Variants in MUC5AC observed in about 807,000 individuals in gnomAD.
MUC5AC encodes mucin-5AC.
MUC5AC carries 158 observed loss-of-function variants against 169.7 expected under a neutral mutation model. The ratio of observed to expected loss-of-function variants is 0.93; its 90% CI spans 0.82 to 1.06. The LOEUF (loss-of-function observed/expected upper bound fraction) is 1.06, where lower values mean the gene tolerates loss of function less well. Among genes scored for constraint, MUC5AC ranks in the 50% least tolerant of loss-of-function variants. MUC5AC has a pLI of 0.00. For missense variants in MUC5AC, 4,359 were observed against 3,089.9 expected, an observed-to-expected ratio of 1.41 and a Z score of -9.74; for synonymous variants, 1,975 against 1,237.0, an observed-to-expected ratio of 1.60 and a Z score of -12.52.
At position 1,185,666 on chromosome 11, in the gene MUC5AC, C is replaced by G. The variant is rs1372853074; in HGVS notation, c.7521C>G (p.Ser2507Arg). 8 of 740,068 alleles carry G rather than the reference C, an allele frequency of 1.1e-5. No individual in the cohort carries two copies. The highest frequency in any genetic ancestry group is 2.0e-5 in the Non-Finnish European group (8 of 405,514). 45.8% of individuals were successfully genotyped at this position (740,068 alleles called of 1,614,324 possible). Residue 2507 changes from serine (S) to arginine (R), a missense_variant, in exon 31 of 49, where the codon AGC (serine) becomes AGG (arginine). By Grantham distance (110) the Ser-to-Arg change is moderately radical (BLOSUM62 -1). Transcript: ENST00000621226. ...TTSTTSSPTT[S>R]TTSAPTTSTT... is the part of the protein sequence containing the mutation. The stretch of plus-strand genomic sequence containing the variant: ...GCACAACCTCTTCTCCTACAACCAG[C>G]ACAACCTCTGCTCCTACAACCAGCA...
intron 26 of MUC5AC, 66 bp downstream of exon 26, chr11:1,179,314 C>G (rs932434325): frequency 2.7e-5 from 12 of 451,380 alleles, no homozygotes; most frequent in African/African-American, 2.0e-4. Flanking sequence ...ACCACACTCG[C>G]CGCTGATGCG....
Position 1,189,265 on chromosome 11 carries a change from C to T in MUC5AC, c.11120C>T (p.Ala3707Val), listed in dbSNP as rs1861024175. 6 of 589,468 alleles carry T rather than the reference C, an allele frequency of 1.0e-5. No individual in the cohort carries two copies. The highest frequency in any genetic ancestry group is 1.8e-5 in the Non-Finnish European group (6 of 331,156). The allele number at this position is 589,468 out of a possible 1,614,324, so 36.5% of individuals were successfully genotyped here. Residue 3707 changes from alanine (A) to valine (V), a missense_variant, in exon 31 of 49, where the codon GCC (alanine) becomes GTC (valine). Transcript: ENST00000621226. Reference sequence around the variant, plus strand: ...GCTCCCACAACGAGCACAACTTCTGCCCCTACAACCAGCACAACCTCCACT... The same window carrying T: ...GCTCCCACAACGAGCACAACTTCTGTCCCTACAACCAGCACAACCTCCACT... ...TSAPTTSTTS[A>V]PTTSTTSTPQ...
chr11:1,183,897 G>C lies in MUC5AC; in HGVS notation c.5752G>C (p.Val1918Leu). The C allele has an allele frequency of 2.5e-6, 1 of 402,734 alleles. No individual in the cohort carries two copies. The allele number at this position is 402,734 out of a possible 1,614,324, so 24.9% of individuals were successfully genotyped here. The stretch of plus-strand genomic sequence containing the variant: ...TTTCTCAACTCCCAGCCCTCCGCCA[G>C]TGCCGGCAACATCAACATCATCCAT... ...KTFSTPSPPP[V>L]PATSTSSMST... Residue 1918 changes from valine (V) to leucine (L), a missense_variant, in exon 31 of 49, where the codon GTG becomes CTG. By Grantham distance (32) the Val-to-Leu change is conservative (BLOSUM62 1). Transcript: ENST00000621226.
At chr11:1,159,608 C>T (rs192336607) in intron 1 of MUC5AC, among the ~76,000 whole-genome samples, 4 of 99,372 alleles carry the variant, frequency 4.0e-5, no homozygotes, top group Admixed American at 1.2e-4. Context: ...CGGGGCTGTG[C>T]GGGGCTGGGG....
chr11:1,184,859 C>T lies in MUC5AC; in HGVS notation c.6714C>T (p.Thr2238=), dbSNP rs1209557076. The T allele has an allele frequency of 1.4e-5, 9 of 631,808 alleles. No homozygotes were observed. In the African/African-American group the frequency reaches 1.5e-4, roughly 10 times the overall value. 39.1% of individuals were successfully genotyped at this position (631,808 alleles called of 1,614,324 possible). ...CTAGCACCCCTAGTGGGAGAGCCAC[C>T]AGCCCAACTCAGAGCACCTCCTCTT... is the stretch of plus-strand genomic sequence containing the variant. The part of the protein sequence containing the change: ...TAPSTPSGRA[T]SPTQSTSSWQ... Residue 2238 remains threonine (T), a synonymous_variant, in exon 31 of 49, where the codon ACC becomes ACT. Transcript: ENST00000621226.
chr11:1,165,765 G>A lies in MUC5AC; in HGVS notation c.1386+5G>A, dbSNP rs55712244. 18 of 1,611,474 alleles carry A rather than the reference G, an allele frequency of 1.1e-5. No homozygotes were observed. The highest frequency in any genetic ancestry group is 1.3e-5 in the African/African-American group (1 of 74,894). ...TGCAGCTATGTGCTGACCAAGGTAC[G>A]GCCTGGCTGCCTGGGGTGCTCGCCG... On this transcript the variant is annotated splice_donor_5th_base_variant and intron_variant, in intron 11 of 48. Coordinates refer to ENST00000621226, the MANE Select transcript of MUC5AC (RefSeq NM_001304359.2).
Position 1,175,194 on chromosome 11 carries a change from G to T in MUC5AC, c.2349-24G>T, listed in dbSNP as rs1002123578. On this transcript the variant is annotated intron_variant, in intron 18 of 48. Coordinates refer to ENST00000621226, the MANE Select transcript of MUC5AC (RefSeq NM_001304359.2). ...CTCGTGTCTCCTGGCCCAGGCTGAGGCTCTGACCACCATCTCCTCACAGCA... is the reference window on the plus strand; with the variant it reads ...CTCGTGTCTCCTGGCCCAGGCTGAGTCTCTGACCACCATCTCCTCACAGCA... 4.5e-5 allele frequency: 18 copies of T among 398,806 alleles called. No individual in the cohort carries two copies. The East Asian group carries it at 5.3e-4, about 12-fold the overall frequency. The allele number at this position is 398,806 out of a possible 1,614,324, so 24.7% of individuals were successfully genotyped here. A position where few individuals can be genotyped will look rare whatever the true frequency, so the allele number is the denominator to read the frequency against.
intron 36 of MUC5AC, among the ~76,000 whole-genome samples, 194 bp downstream of exon 36, chr11:1,195,473 G>T (rs988532318): frequency 9.2e-5 from 14 of 151,854 alleles, no homozygotes; most frequent in Admixed American, 7.9e-4. Flanking sequence ...GGGGAGGGGC[G>T]GGTGCCGGGA....
intron 1 of MUC5AC, among the ~76,000 whole-genome samples, chr11:1,159,204 AG>A (rs1302371905): frequency 1.3e-5 from 2 of 152,082 alleles, no homozygotes; most frequent in African/African-American, 4.8e-5. Context: ...TGTGAGGGCG[AG>A]GGGGGTCTCC....
intron 32 of MUC5AC, 52 bp from the exon 33 acceptor site, chr11:1,193,433 T>C: frequency 1.5e-6 from 1 of 668,000 alleles, no homozygotes; most frequent in South Asian, 1.6e-5. Flanking sequence ...AACCAAGGGG[T>C]GCCCCGGAGA....
chr11:1,174,353 G>A, intron 16 of MUC5AC, 143 bp from the exon 17 acceptor site: 1 of 566,626 alleles, frequency 1.8e-6, no homozygotes, highest in Admixed American at 3.1e-5. Flanking sequence ...CAGGATGCCT[G>A]TGAGGACTCA....
chr11:1,199,333 G>A (rs1564921664), intron 45 of MUC5AC, 38 bp from the exon 46 acceptor site: 4 of 702,532 alleles, frequency 5.7e-6, no homozygotes, highest in Admixed American at 2.0e-5. Flanking sequence ...GACAGACGGA[G>A]GGAGGGTCAC....
At chr11:1,175,294 G>A in intron 19 of MUC5AC, 24 bp downstream of exon 19, 1 of 398,640 alleles carries the variant, frequency 2.5e-6, no homozygotes, top group Non-Finnish European at 4.4e-6. Context: ...AGGAGGCACT[G>A]TGGCCCCCAG....
Position 1,165,990 on chromosome 11 carries a change from A to G in MUC5AC, c.1386+230A>G, listed in dbSNP as rs186851509. ...ACCCACCCAGCATTGGGCCTCACCC[A>G]GCACTGGGCCCTCTGCACCTTGGGC... On this transcript the variant is annotated intron_variant, in intron 11 of 48. Transcript: ENST00000621226. Among the ~76,000 whole-genome samples the G allele has an allele frequency of 5.9e-5, 9 of 152,274 alleles. No homozygotes were observed. In the East Asian group the frequency reaches 1.2e-3, roughly 20 times the overall value.
At chr11:1,181,730 T>C (rs1860819789) in intron 30 of MUC5AC, among the ~76,000 whole-genome samples, 1 of 152,152 alleles carries the variant, frequency 6.6e-6, no homozygotes, top group Non-Finnish European at 1.5e-5. Context: ...CCTGGCCTCA[T>C]TGGGGTGTCA....
In MUC5AC at chr11:1,177,633, G is replaced by A; in HGVS notation, c.3087G>A (p.Lys1029=). 1 of 398,744 alleles carries A rather than the reference G, an allele frequency of 2.5e-6. No individual in the cohort carries two copies. Among genetic ancestry groups the A allele is most frequent in the Non-Finnish European group, 4.4e-6 (1 of 226,150 alleles). 24.7% of individuals were successfully genotyped at this position (398,744 alleles called of 1,614,324 possible). A position where few individuals can be genotyped will look rare whatever the true frequency, so the allele number is the denominator to read the frequency against. ...TCATCAACCTCAGCCCCGAGTTCAA[G>A]GTGAGACCACGCCCCTCGTCCAGGC... ...SIFINLSPEF[K]GRVCGLCGNF... The change falls in exon 24 of 49, where the codon AAG becomes AAA. Residue 1029 remains lysine (K), a splice_region_variant and synonymous_variant. Coordinates refer to ENST00000621226, the MANE Select transcript of MUC5AC (RefSeq NM_001304359.2).
At position 1,184,911 on chromosome 11, in the gene MUC5AC, G is replaced by A. The variant is rs1323971134; in HGVS notation, c.6766G>A (p.Val2256Met). 4.9e-5 allele frequency: 31 copies of A among 628,384 alleles called. No homozygotes were observed. The East Asian group carries it at 7.6e-4, about 15-fold the overall frequency. The allele number at this position is 628,384 out of a possible 1,614,324, so 38.9% of individuals were successfully genotyped here. A position where few individuals can be genotyped will look rare whatever the true frequency, so the allele number is the denominator to read the frequency against. ...SWQKSRTTTLVTTSTTSTPQT... is the reference protein window; with the variant it reads ...SWQKSRTTTLMTTSTTSTPQT... ...GCAGAAATCCAGGACAACCACTTTGGTGACAACCAGCACAACCTCCACTCC... is the reference window on the plus strand; with the variant it reads ...GCAGAAATCCAGGACAACCACTTTGATGACAACCAGCACAACCTCCACTCC... The change falls in exon 31 of 49, where the codon GTG becomes ATG. Residue 2256 changes from valine (V) to methionine (M), a missense_variant. Val to Met is a conservative substitution (Grantham distance 21). Transcript: ENST00000621226.
chr11:1,190,121 C>T lies in MUC5AC; in HGVS notation c.11976C>T (p.Arg3992=). ...NIIRSGEKIC[R]RPEEITRLQC... is the part of the protein sequence containing the mutation. ...TCAGGAGTGGGGAAAAAATCTGCCG[C>T]CGACCTGAGGAGATCACCAGGCTCC... Residue 3992 remains arginine, a synonymous_variant, in exon 31 of 49, where the codon CGC becomes CGT. Transcript: ENST00000621226. The T allele has an allele frequency of 2.6e-6, 2 of 762,722 alleles. No homozygotes were observed. The highest frequency in any genetic ancestry group is 2.7e-5 in the South Asian group (2 of 74,218). The allele number at this position is 762,722 out of a possible 1,614,324, so 47.2% of individuals were successfully genotyped here.
In MUC5AC at chr11:1,187,832, C is replaced by A. The variant is rs1554928358; in HGVS notation, c.9687C>A (p.Thr3229=). 21 of 764,784 alleles carry A rather than the reference C, an allele frequency of 2.7e-5. No individual in the cohort carries two copies. Among genetic ancestry groups the A allele is most frequent in the Non-Finnish European group, 4.8e-5 (20 of 417,692 alleles). The allele number at this position is 764,784 out of a possible 1,614,324, so 47.4% of individuals were successfully genotyped here. A position where few individuals can be genotyped will look rare whatever the true frequency, so the allele number is the denominator to read the frequency against. ...TRDCHLRCTW[T]KWFDIDFPSP... Reference sequence around the variant, plus strand: ...ACTGTCATCTCCGGTGCACCTGGACCAAGTGGTTTGACATAGACTTCCCAT... The same window carrying A: ...ACTGTCATCTCCGGTGCACCTGGACAAAGTGGTTTGACATAGACTTCCCAT... The change falls in exon 31 of 49, where the codon ACC becomes ACA. Residue 3229 remains threonine, a synonymous_variant. Coordinates refer to ENST00000621226, the MANE Select transcript of MUC5AC (RefSeq NM_001304359.2).
Sources: allele counts gnomAD v4.1 joint callset (sites outside exome capture counted in the v4.1 genomes callset), GRCh38; gene constraint gnomAD v4.1.1; transcripts MANE v1.5; gene names NCBI Gene and HGNC (gene_info 2026-07-23, HGNC 2026-07-21).